Variants in DCHS2 observed in about 807,000 individuals in gnomAD.
The protein encoded by DCHS2 is protocadherin-23.
DCHS2 carries 142 observed loss-of-function variants against 182.4 expected under a neutral mutation model. The ratio of observed to expected loss-of-function variants is 0.78; its 90% CI spans 0.68 to 0.89. DCHS2 has a LOEUF of 0.89. DCHS2 is among the 40% of genes least tolerant of loss of function. DCHS2 has a pLI of 0.00. For synonymous variants in DCHS2, 1,740 were observed against 1,663.3 expected (o/e 1.05, Z -1.12); for missense variants, 4,319 against 4,198.6 (o/e 1.03, Z -0.79).
At chr4:154,429,685 C>G (rs1170051041) in intron 1 of DCHS2, among the ~76,000 whole-genome samples, 1 of 151,088 alleles carries the variant, frequency 6.6e-6, no homozygotes, top group African/African-American at 2.4e-5. Flanking sequence ...ATATCCTTCC[C>G]ATAAGTTTTT....
At chr4:154,471,161 A>G (rs1258296464) in intron 1 of DCHS2, among the ~76,000 whole-genome samples, 1 of 152,126 alleles carries the variant, frequency 6.6e-6, no homozygotes, top group Non-Finnish European at 1.5e-5. Flanking sequence ...GGACAAACTG[A>G]CTTGCTTAAA....
At chr4:154,254,415 T>C (rs922321750) in intron 16 of DCHS2, among the ~76,000 whole-genome samples, 1 of 152,262 alleles carries the variant, frequency 6.6e-6, no homozygotes, top group African/African-American at 2.4e-5. Context: ...AGCTCCATCC[T>C]CATCGGCACA....
Position 154,388,912 on chromosome 4 carries a change from T to TA in DCHS2, c.2053-11469_2053-11468insT, listed in dbSNP as rs1731544453. On this transcript the variant is annotated intron_variant, in intron 1 of 19. Coordinates refer to ENST00000357232, the MANE Select transcript of DCHS2 (RefSeq NM_001358235.2). ...TGGCCGTCTGTCTATTGAACTATTA[T>TA]GAGTGCATCTTCACAGTACTGGGTT... Among the ~76,000 whole-genome samples the TA allele has an allele frequency of 2.0e-5, 3 of 152,324 alleles. No homozygotes were observed. In the South Asian group the frequency reaches 6.2e-4, roughly 32 times the overall value.
chr4:154,275,780 C>T (rs1051921892), intron 13 of DCHS2, among the ~76,000 whole-genome samples: 2 of 151,770 alleles, frequency 1.3e-5, no homozygotes, highest in Non-Finnish European at 2.9e-5. Context: ...TATTATATGC[C>T]CAATTACAAA....
intron 7 of DCHS2, chr4:154,323,038 A>G (rs1578962966): frequency 1.5e-6 from 1 of 645,770 alleles, no homozygotes; most frequent in East Asian, 2.8e-5. Context: ...CATATATTGC[A>G]TATTTCTTTA....
At chr4:154,444,015 T>C (rs1734149639) in intron 1 of DCHS2, among the ~76,000 whole-genome samples, 1 of 152,196 alleles carries the variant, frequency 6.6e-6, no homozygotes, top group Non-Finnish European at 1.5e-5. Context: ...AGTGTTCTCC[T>C]GATTCCTCTC....
chr4:154,439,379 A>G (rs1034324957), intron 1 of DCHS2, among the ~76,000 whole-genome samples: 3 of 151,364 alleles, frequency 2.0e-5, no homozygotes, highest in Non-Finnish European at 2.9e-5. Flanking sequence ...ATTTTCCCAT[A>G]CCGTTTATAT....
chr4:154,425,213 ACTT>A (rs2110922329), intron 1 of DCHS2, among the ~76,000 whole-genome samples: 1 of 152,256 alleles, frequency 6.6e-6, no homozygotes, highest in African/African-American at 2.4e-5. Context: ...GAAAGGATGA[ACTT>A]CTTTTCAAGG....
chr4:154,479,560 A>G (rs746005189), intron 1 of DCHS2, among the ~76,000 whole-genome samples: 12 of 152,208 alleles, frequency 7.9e-5, no homozygotes, highest in East Asian at 1.9e-4. Flanking sequence ...TAGCCTTAAG[A>G]TATTATGAAT....
In DCHS2 at chr4:154,239,249, G is replaced by A; in HGVS notation, c.7413C>T (p.Ala2471=). 6.2e-7 allele frequency: 1 copy of A among 1,613,410 alleles called. No homozygotes were observed. Among genetic ancestry groups the A allele is most frequent in the Non-Finnish European group, 8.5e-7 (1 of 1,179,706 alleles). ...PVGYSVLTLS[A]TDLESNENIS... ...TGTTCTCATTGCTTTCTAAGTCTGTGGCTGACAGAGTCAGCACTGAATACC... is the reference window on the plus strand; with the variant it reads ...TGTTCTCATTGCTTTCTAAGTCTGTAGCTGACAGAGTCAGCACTGAATACC... Residue 2471 remains alanine (A), a synonymous_variant, in exon 19 of 20, where the codon GCC becomes GCT. Coordinates refer to ENST00000357232, the MANE Select transcript of DCHS2 (RefSeq NM_001358235.2).
In DCHS2 at chr4:154,433,757, G is replaced by A. The variant is rs1225637431; in HGVS notation, c.2052+55547C>T. On this transcript the variant is annotated intron_variant, in intron 1 of 19. Transcript: ENST00000357232. ...TGTTGCATAGCCCTAGGCAACTAAC[G>A]CACTCCTCTCACTAGGCTCCTGCAG... Among the ~76,000 whole-genome samples the A allele has an allele frequency of 3.3e-5, 5 of 152,128 alleles. 1 individual carries two copies. The South Asian group carries it at 8.3e-4, about 25-fold the overall frequency.
intron 3 of DCHS2, among the ~76,000 whole-genome samples, chr4:154,351,851 C>A (rs1357150976): frequency 6.6e-6 from 1 of 152,158 alleles, no homozygotes; most frequent in East Asian, 1.9e-4. Flanking sequence ...CATTGTGTGG[C>A]CTGGTTCCCA....
intron 1 of DCHS2, among the ~76,000 whole-genome samples, chr4:154,409,367 C>T (rs1056876828): frequency 2.0e-5 from 3 of 152,194 alleles, no homozygotes; most frequent in African/African-American, 7.2e-5. Flanking sequence ...GTCTTATCTT[C>T]TGGGGCCTGA....
chr4:154,240,851 T>G (rs759530731), intron 17 of DCHS2, 28 bp from the exon 18 acceptor site: 1 of 1,606,578 alleles, frequency 6.2e-7, no homozygotes, highest in East Asian at 2.2e-5. Flanking sequence ...AGTGTCAGTC[T>G]CCATTAAAAT....
intron 9 of DCHS2, among the ~76,000 whole-genome samples, chr4:154,317,564 T>C (rs1318271792): frequency 6.6e-6 from 1 of 152,238 alleles, no homozygotes; most frequent in African/African-American, 2.4e-5. Context: ...TGCTTTTAAC[T>C]AACAGTTGGG....
chr4:154,259,212 G>T (rs1486709555), intron 15 of DCHS2, among the ~76,000 whole-genome samples: 1 of 152,050 alleles, frequency 6.6e-6, no homozygotes, highest in Non-Finnish European at 1.5e-5. Context: ...GGAGGAGGCT[G>T]TGTCTCCTCT....
At chr4:154,316,603 T>A (rs2111326647) in intron 9 of DCHS2, among the ~76,000 whole-genome samples, 1 of 152,128 alleles carries the variant, frequency 6.6e-6, no homozygotes, top group African/African-American at 2.4e-5. Flanking sequence ...GCCAACATGG[T>A]GAAACTCCAT....
chr4:154,468,470 T>C (rs1735325978), intron 1 of DCHS2, among the ~76,000 whole-genome samples: 1 of 152,206 alleles, frequency 6.6e-6, no homozygotes, highest in Non-Finnish European at 1.5e-5. Flanking sequence ...CTTCTAATTA[T>C]TCACTGGACA....
chr4:154,466,306 C>T (rs985710249), intron 1 of DCHS2, among the ~76,000 whole-genome samples: 2 of 152,120 alleles, frequency 1.3e-5, no homozygotes, highest in African/African-American at 2.4e-5. Flanking sequence ...AGATGAAAGC[C>T]TTCATTACTC....
Sources: allele counts gnomAD v4.1 joint callset (sites outside exome capture counted in the v4.1 genomes callset), GRCh38; gene constraint gnomAD v4.1.1; transcripts MANE v1.5; gene names NCBI Gene and HGNC (gene_info 2026-07-23, HGNC 2026-07-21).